The following PTGR3 variants were observed in gnomAD, a reference collection of about 807,000 sequenced individuals.
PTGR3 encodes the protein zinc binding alcohol dehydrogenase domain containing 2.
chr18:75,200,782 T>G, the PTGR3 span: 6 of 152,192 alleles, frequency 3.9e-5, no homozygotes, highest in African/African-American at 1.4e-4. Flanking sequence ...CCTTATCAGG[T>G]TGATGGTAGA....
the PTGR3 span, chr18:75,209,059 G>A: frequency 1.3e-6 from 2 of 1,533,018 alleles, no homozygotes; most frequent in Non-Finnish European, 1.8e-6. This position sits in a 1 kb window ranked among gnomAD's most constrained non-coding sequence, Gnocchi z 4.7. Flanking sequence ...GCCGCAGCAT[G>A]GCCTGCGCCT....
the PTGR3 span, among the ~76,000 whole-genome samples, chr18:75,205,891 C>T: frequency 3.3e-5 from 5 of 152,094 alleles, no homozygotes; most frequent in African/African-American, 1.2e-4. Flanking sequence ...TTATCAAAAA[C>T]GCCTTCCCCA....
the PTGR3 span, chr18:75,200,196 C>A: frequency 6.6e-6 from 1 of 152,170 alleles, no homozygotes; most frequent in African/African-American, 2.4e-5. Flanking sequence ...ACAGCGGCAG[C>A]AGTCTTCAGG....
the PTGR3 span, chr18:75,201,267 A>G: frequency 1.6e-6 from 1 of 633,386 alleles, no homozygotes; most frequent in Non-Finnish European, 2.6e-6. Context: ...GAGGAGGAGG[A>G]GGAGAAGGAG....
At chr18:75,208,996 G>A in the PTGR3 span, 1 of 1,592,590 alleles carries the variant, frequency 6.3e-7, no homozygotes, top group Non-Finnish European at 8.5e-7. Context: ...GGAAGTCCAG[G>A]AAGTGGCGGG....
At chr18:75,208,867 G>A in the PTGR3 span, 2 of 1,523,890 alleles carry the variant, frequency 1.3e-6, no homozygotes, top group Non-Finnish European at 1.8e-6. Context: ...GGACGAGGAG[G>A]TCTCCGTCCC....
At chr18:75,205,803 GC>G in the PTGR3 span, among the ~76,000 whole-genome samples, 6 of 151,260 alleles carry the variant, frequency 4.0e-5, no homozygotes, top group African/African-American at 9.7e-5. Flanking sequence ...AAGAAAAAAA[GC>G]GGGGGGGAGG....
the PTGR3 span, chr18:75,208,258 A>T: frequency 1.1e-6 from 1 of 922,696 alleles, no homozygotes; most frequent in South Asian, 5.0e-5. Flanking sequence ...CACTCAGGGG[A>T]CAGACAACAG....
chr18:75,195,791 GAA>G, the PTGR3 span: 13 of 152,182 alleles, frequency 8.5e-5, no homozygotes, highest in African/African-American at 2.7e-4. Context: ...ATGCATACCT[GAA>G]GTCTTAACTA....
the PTGR3 span, among the ~76,000 whole-genome samples, chr18:75,208,202 A>T: frequency 1.1e-4 from 16 of 152,080 alleles, no homozygotes; most frequent in Admixed American, 6.5e-4. Flanking sequence ...CCCCACCCCG[A>T]CCCTGGCCCA....
the PTGR3 span, chr18:75,195,754 A>T: frequency 6.6e-6 from 1 of 152,184 alleles, no homozygotes; most frequent in Admixed American, 6.5e-5. Flanking sequence ...TCTACAAAAA[A>T]TAAAAAAACA....
the PTGR3 span, among the ~76,000 whole-genome samples, chr18:75,207,055 AC>A: frequency 2.0e-5 from 3 of 151,952 alleles, no homozygotes; most frequent in African/African-American, 7.3e-5. Context: ...AGGAAAAAAA[AC>A]CCCACAGAGT....
the PTGR3 span, chr18:75,199,250 A>C: frequency 6.6e-6 from 1 of 152,630 alleles, no homozygotes; most frequent in Non-Finnish European, 1.5e-5. Context: ...ATCAGTTAAA[A>C]TGTTGGTCTT....
At chr18:75,202,168 A>T in the PTGR3 span, 4 of 1,614,122 alleles carry the variant, frequency 2.5e-6, no homozygotes, top group East Asian at 6.7e-5. Flanking sequence ...TCAGCAAAAG[A>T]ACCAGGTGCC....
the PTGR3 span, among the ~76,000 whole-genome samples, chr18:75,204,131 C>A: frequency 6.6e-6 from 1 of 152,278 alleles, no homozygotes; most frequent in Non-Finnish European, 1.5e-5. Flanking sequence ...AAGGCAGTAG[C>A]CGCTCCTCTG....
the PTGR3 span, chr18:75,205,340 A>G: frequency 2.0e-5 from 20 of 985,612 alleles, no homozygotes; most frequent in Non-Finnish European, 2.4e-5. Context: ...ACACACTGGG[A>G]AGGATTCGCG....
the PTGR3 span, among the ~76,000 whole-genome samples, chr18:75,204,456 A>C: frequency 6.6e-6 from 1 of 152,174 alleles, no homozygotes; most frequent in Non-Finnish European, 1.5e-5. Flanking sequence ...TGAGTTTGCC[A>C]GGGGCCTTTG....
At chr18:75,201,117 A>G in the PTGR3 span, 2 of 356,916 alleles carry the variant, frequency 5.6e-6, no homozygotes, top group Non-Finnish European at 1.0e-5. Context: ...ATCTGGCATC[A>G]GGAATGAATT....
At chr18:75,205,601 G>T in the PTGR3 span, 1 of 586,512 alleles carries the variant, frequency 1.7e-6, no homozygotes, top group Non-Finnish European at 2.1e-6. Context: ...GCGATCCTGC[G>T]CAGGGGAGAG....
Sources: allele counts gnomAD v4.1 joint callset (sites outside exome capture counted in the v4.1 genomes callset), GRCh38; gene constraint gnomAD v4.1.1; non-coding constraint Gnocchi (gnomAD v3.1); transcripts MANE v1.5; gene names NCBI Gene and HGNC (gene_info 2026-07-23, HGNC 2026-07-21).